Variants in RPL18A observed in about 807,000 individuals in gnomAD.
The protein encoded by RPL18A is ribosomal protein L18a.
For synonymous variants in RPL18A, 122 were observed against 96.9 expected (o/e 1.26, Z -1.52); for missense variants, 163 against 254.1 (o/e 0.64, Z 2.44).
At chr19:17,861,823 G>A in intron 2 of RPL18A, 1 of 552,384 alleles carries the variant, frequency 1.8e-6, no homozygotes, top group Non-Finnish European at 3.2e-6. Context: ...CAGGTTCCAG[G>A]AGACTTGAGT....
intron 3 of RPL18A, 88 bp from the exon 4 acceptor site, chr19:17,862,830 G>T: frequency 1.1e-6 from 1 of 882,106 alleles, no homozygotes. Flanking sequence ...AACAGGATGT[G>T]TCAGGTCATT....
chr19:17,861,312 T>C lies in RPL18A; in HGVS notation c.38T>C (p.Val13Ala), dbSNP rs1431228750. ...ASGTLREYKV[V>A]GRCLPTPKCH... ...TTTCAGCTACGAGAGTACAAGGTAG[T>C]GGGTCGCTGCCTGCCCACCCCCAAA... Residue 13 changes from valine (V) to alanine (A), a missense_variant, in exon 2 of 5, where the codon GTG (valine) becomes GCG (alanine). Coordinates refer to ENST00000222247, the MANE Select transcript of RPL18A (RefSeq NM_000980.4). The C allele has an allele frequency of 8.1e-6, 13 of 1,613,694 alleles. No individual in the cohort carries two copies. In the Admixed American group the frequency reaches 1.3e-4, roughly 17 times the overall value.
chr19:17,860,103 C>T lies in RPL18A; in HGVS notation c.18+129C>T. Reference sequence around the variant, plus strand: ...TGGGCCCCCCTTGGCCGCGCGCCGCCTTCTCTTGTTGCACCCAACATGGCG... The same window carrying T: ...TGGGCCCCCCTTGGCCGCGCGCCGCTTTCTCTTGTTGCACCCAACATGGCG... On this transcript the variant is annotated intron_variant, in intron 1 of 4. Coordinates refer to ENST00000222247, the MANE Select transcript of RPL18A (RefSeq NM_000980.4). 4 of 804,680 alleles carry T rather than the reference C, an allele frequency of 5.0e-6. No homozygotes were observed. In the South Asian group the frequency reaches 6.4e-5, roughly 13 times the overall value. The allele number at this position is 804,680 out of a possible 1,614,324, so 49.8% of individuals were successfully genotyped here. A position where few individuals can be genotyped will look rare whatever the true frequency, so the allele number is the denominator to read the frequency against.
At position 17,862,935 on chromosome 19, in the gene RPL18A, C is replaced by A. The variant is rs143140497; in HGVS notation, c.346C>A (p.Arg116=). ...TTCCACAGACCGAGACATGGGTGCC[C>A]GGCACCGCGCCCGAGCCCACTCCAT... is the stretch of plus-strand genomic sequence containing the variant. ...VTQCYRDMGA[R]HRARAHSIQI... is the part of the protein sequence containing the mutation. The change falls in exon 4 of 5, where the codon CGG becomes AGG. Residue 116 remains arginine (R), a synonymous_variant. Transcript: ENST00000222247. 1 of 1,611,072 alleles carries A rather than the reference C, an allele frequency of 6.2e-7. No individual in the cohort carries two copies. The highest frequency in any genetic ancestry group is 1.3e-5 in the African/African-American group (1 of 74,836).
At chr19:17,861,561 CG>C in intron 2 of RPL18A, 89 bp downstream of exon 2, 1 of 1,062,152 alleles carries the variant, frequency 9.4e-7, no homozygotes, top group Non-Finnish European at 1.4e-6. Context: ...AGACATCGAA[CG>C]GGTGCGGTAG....
rs765536938 is a variant in RPL18A, at chr19:17,863,043, GA to G, written c.438+17del. The stretch of plus-strand genomic sequence containing the variant: ...GCAGTTCCACGTGAGTGCCCTGGGG[GA>G]CTCCCCTGGAGGGAAGTGCCTGCTC... On this transcript the variant is annotated intron_variant, in intron 4 of 4. Transcript: ENST00000222247. 1 of 1,585,630 alleles carries G rather than the reference GA, an allele frequency of 6.3e-7. No homozygotes were observed. Among genetic ancestry groups the G allele is most frequent in the South Asian group, 1.1e-5 (1 of 90,456 alleles).
rs765936392 is a variant in RPL18A, at chr19:17,861,487, G to A, written c.198+15G>A. ...ACTGTGGGCAGGTATGGAGAGGCCG[G>A]GGCTACGTGGGGTCTGGAGTGGATT... is the stretch of plus-strand genomic sequence containing the variant. On this transcript the variant is annotated intron_variant, in intron 2 of 4. Coordinates refer to ENST00000222247, the MANE Select transcript of RPL18A (RefSeq NM_000980.4). The A allele has an allele frequency of 6.4e-6, 10 of 1,560,280 alleles. No individual in the cohort carries two copies. In the East Asian group the frequency reaches 2.0e-4, roughly 32 times the overall value.
chr19:17,861,090 C>T (rs1196249652), intron 1 of RPL18A: 1 of 584,892 alleles, frequency 1.7e-6, no homozygotes, highest in African/African-American at 1.9e-5. Context: ...CCCTGGAGAC[C>T]TCCCTCTCCT....
chr19:17,859,928 C>T lies in RPL18A; in HGVS notation c.-29C>T, dbSNP rs911771032. The T allele has an allele frequency of 9.7e-6, 15 of 1,542,498 alleles. No individual in the cohort carries two copies. Among genetic ancestry groups the T allele is most frequent in the Non-Finnish European group, 1.1e-5 (13 of 1,144,902 alleles). On this transcript the variant is annotated 5_prime_UTR_variant, in exon 1 of 5. Coordinates refer to ENST00000222247, the MANE Select transcript of RPL18A (RefSeq NM_000980.4). Reference sequence around the variant, plus strand: ...GCGCGACAGAGGACACTTCCTTTTGCGGGTGGCGGCGAACGCGGAGAGCAC... The same window carrying T: ...GCGCGACAGAGGACACTTCCTTTTGTGGGTGGCGGCGAACGCGGAGAGCAC...
Position 17,861,287 on chromosome 19 carries a change from T to G in RPL18A, c.19-6T>G, listed in dbSNP as rs374290718. ...TGGCCTTACCCTCACTCCTGTTTCC[T>G]TTCAGCTACGAGAGTACAAGGTAGT... On this transcript the variant is annotated splice_region_variant and splice_polypyrimidine_tract_variant and intron_variant, in intron 1 of 4. Transcript: ENST00000222247. 7.7e-5 allele frequency: 125 copies of G among 1,613,758 alleles called. No homozygotes were observed. The African/African-American group carries it at 1.5e-3, about 20-fold the overall frequency.
intron 3 of RPL18A, 199 bp downstream of exon 3, chr19:17,862,422 C>G (rs562059870): frequency 2.9e-6 from 2 of 690,318 alleles, no homozygotes. Context: ...CACATCACAT[C>G]TGGAAACTCC....
chr19:17,863,142 C>T (rs376129516), intron 4 of RPL18A, 29 bp from the exon 5 acceptor site: 34 of 1,588,208 alleles, frequency 2.1e-5, no homozygotes, highest in East Asian at 6.7e-5. Context: ...AGGCTTCCAA[C>T]CCCCTCAACA....
Position 17,863,194 on chromosome 19 carries a change from G to T in RPL18A, c.462G>T (p.Leu154=). Residue 154 remains leucine, a synonymous_variant, in exon 5 of 5, where the codon CTG becomes CTT. Transcript: ENST00000222247. ...AGGACTCCAAGATCAAGTTCCCGCT[G>T]CCCCACCGGGTCCTGCGCCGTCAGC... is the stretch of plus-strand genomic sequence containing the variant. The part of the protein sequence containing the change: ...QFHDSKIKFP[L]PHRVLRRQHK... 1.9e-6 allele frequency: 3 copies of T among 1,612,282 alleles called. No homozygotes were observed. The highest frequency in any genetic ancestry group is 2.5e-6 in the Non-Finnish European group (3 of 1,179,510).
In RPL18A at chr19:17,861,418, A is replaced by G. The variant is rs1216014532; in HGVS notation, c.144A>G (p.Val48=). Residue 48 remains valine, a synonymous_variant, in exon 2 of 5, where the codon GTA becomes GTG. Transcript: ENST00000222247. The part of the protein sequence containing the change: ...VVAKSRFWYF[V]SQLKKMKKSS... ...CCAAGTCCCGCTTCTGGTACTTTGTATCTCAGTTAAAGAAGATGAAGAAGT... is the reference window on the plus strand; with the variant it reads ...CCAAGTCCCGCTTCTGGTACTTTGTGTCTCAGTTAAAGAAGATGAAGAAGT... The G allele has an allele frequency of 3.7e-6, 6 of 1,608,952 alleles. No homozygotes were observed. The highest frequency in any genetic ancestry group is 4.2e-6 in the Non-Finnish European group (5 of 1,177,116).
intron 4 of RPL18A, 55 bp from the exon 5 acceptor site, chr19:17,863,116 A>T (rs1166353563): frequency 1.3e-6 from 2 of 1,545,886 alleles, no homozygotes; most frequent in Non-Finnish European, 1.8e-6. Flanking sequence ...GTGGCCCCAC[A>T]GGATGGGGTG....
chr19:17,862,259 C>T (rs2094278830), intron 3 of RPL18A, 36 bp downstream of exon 3: 3 of 1,607,554 alleles, frequency 1.9e-6, no homozygotes, highest in Admixed American at 1.7e-5. Context: ...TTTTTAGACC[C>T]TCCTTGACTC....
chr19:17,862,297 G>A, intron 3 of RPL18A, 74 bp downstream of exon 3: 2 of 1,555,352 alleles, frequency 1.3e-6, no homozygotes, highest in Non-Finnish European at 1.7e-6. Context: ...GCAAGTGCCA[G>A]AGGTTCCCAG....
chr19:17,861,852 G>A (rs1309051429), intron 2 of RPL18A: 2 of 570,100 alleles, frequency 3.5e-6, no homozygotes, highest in Non-Finnish European at 6.2e-6. Context: ...TGCATCTGGG[G>A]CTGGGTTGGT....
Position 17,861,489 on chromosome 19 carries a change from G to T in RPL18A, c.198+17G>T, listed in dbSNP as rs1156557523. On this transcript the variant is annotated intron_variant, in intron 2 of 4. Transcript: ENST00000222247. Reference sequence around the variant, plus strand: ...TGTGGGCAGGTATGGAGAGGCCGGGGCTACGTGGGGTCTGGAGTGGATTTG... The same window carrying T: ...TGTGGGCAGGTATGGAGAGGCCGGGTCTACGTGGGGTCTGGAGTGGATTTG... 49 of 1,560,814 alleles carry T rather than the reference G, an allele frequency of 3.1e-5. No homozygotes were observed. The highest frequency in any genetic ancestry group is 4.3e-5 in the Non-Finnish European group (49 of 1,148,470).
Sources: allele counts gnomAD v4.1 joint callset, GRCh38; gene constraint gnomAD v4.1.1; transcripts MANE v1.5; gene names NCBI Gene and HGNC (gene_info 2026-07-23, HGNC 2026-07-21).